The following SV2C variants were observed in gnomAD, a reference collection of about 807,000 sequenced individuals.
SV2C encodes synaptic vesicle glycoprotein 2C.
Under a neutral mutation model 79.7 loss-of-function variants are expected in SV2C, and 49 were observed. The ratio of observed to expected loss-of-function variants is 0.61; its 90% confidence interval spans 0.49 to 0.78. The LOEUF (loss-of-function observed/expected upper bound fraction) is 0.78, where lower values mean the gene tolerates loss of function less well. SV2C is among the 30% of genes least tolerant of loss of function. SV2C has a pLI of 0.00. For synonymous variants in SV2C, 334 were observed against 333.2 expected (o/e 1.00, Z -0.03); for missense variants, 833 against 912.9 (o/e 0.91, Z 1.13).
chr5:76,198,277 G>A (rs1259357616), intron 3 of SV2C, among the ~76,000 whole-genome samples: 1 of 152,162 alleles, frequency 6.6e-6, no homozygotes, highest in Non-Finnish European at 1.5e-5. Context: ...GAGGTTTTTA[G>A]GTCTTGGAGG....
At position 76,332,343 on chromosome 5, in the gene SV2C, C is replaced by T. The variant is rs1053806031; in HGVS notation, c.*6796C>T. On this transcript the variant is annotated 3_prime_UTR_variant, in exon 13 of 13. Transcript: ENST00000502798. The stretch of plus-strand genomic sequence containing the variant: ...GGGGAGTGACTAGGCAGCCTGCTCA[C>T]AGGGGCTGGAGTCATCTAAAGCTAG... The T allele has an allele frequency of 1.3e-5, 2 of 152,158 alleles. No individual in the cohort carries two copies. The highest frequency in any genetic ancestry group is 2.1e-4 in the South Asian group (1 of 4,826). The allele number at this position is 152,158 out of a possible 1,614,324, so 9.4% of individuals were successfully genotyped here. A position where few individuals can be genotyped will look rare whatever the true frequency, so the allele number is the denominator to read the frequency against.
chr5:76,051,647 G>C, the SV2C span, among the ~76,000 whole-genome samples: 2 of 152,180 alleles, frequency 1.3e-5, no homozygotes, highest in African/African-American at 4.8e-5. Context: ...CAGCATGGCT[G>C]CAATAATGCA....
the SV2C span, among the ~76,000 whole-genome samples, chr5:75,884,029 A>G: frequency 2.0e-5 from 3 of 152,128 alleles, no homozygotes; most frequent in Admixed American, 6.6e-5. Context: ...TCTGATTAAT[A>G]AAAATTAATA....
intron 4 of SV2C, among the ~76,000 whole-genome samples, chr5:76,265,651 G>A (rs1288327161): frequency 6.6e-6 from 1 of 152,168 alleles, no homozygotes; most frequent in African/African-American, 2.4e-5. Context: ...CAAAAACCAT[G>A]AGAAAAGCGT....
chr5:76,271,297 A>G (rs776111906), intron 4 of SV2C, among the ~76,000 whole-genome samples: 18 of 152,312 alleles, frequency 1.2e-4, no homozygotes, highest in Non-Finnish European at 2.1e-4. Flanking sequence ...GCAAAGGAAT[A>G]TAGATGTGTC....
At chr5:76,001,841 T>G in the SV2C span, among the ~76,000 whole-genome samples, 1 of 152,094 alleles carries the variant, frequency 6.6e-6, no homozygotes, top group Non-Finnish European at 1.5e-5. Context: ...ACAGGTGGTG[T>G]TCAGTTGCAT....
intron 6 of SV2C, among the ~76,000 whole-genome samples, chr5:76,288,906 G>T (rs1217102759): frequency 6.6e-6 from 1 of 151,216 alleles, no homozygotes; most frequent in Non-Finnish European, 1.5e-5. Flanking sequence ...TTGAGACAGG[G>T]TCTCGTTCTG....
the SV2C span, among the ~76,000 whole-genome samples, chr5:75,902,199 T>C: frequency 6.6e-6 from 1 of 152,216 alleles, no homozygotes; most frequent in East Asian, 1.9e-4. Context: ...CTGGGAGCTG[T>C]GGACCGGAGC....
At chr5:76,197,090 G>T (rs1744293164) in intron 3 of SV2C, among the ~76,000 whole-genome samples, 1 of 152,208 alleles carries the variant, frequency 6.6e-6, no homozygotes, top group Non-Finnish European at 1.5e-5. Flanking sequence ...TGGAGTCTTA[G>T]GAAAGTCATG....
chr5:76,120,948 C>A (rs1273692372), intron 1 of SV2C, among the ~76,000 whole-genome samples: 1 of 151,006 alleles, frequency 6.6e-6, no homozygotes, highest in Non-Finnish European at 1.5e-5. Flanking sequence ...GCCACACTAA[C>A]TTCCACAATG....
At chr5:76,125,206 T>C (rs1748664147) in intron 1 of SV2C, among the ~76,000 whole-genome samples, 1 of 152,236 alleles carries the variant, frequency 6.6e-6, no homozygotes, top group Non-Finnish European at 1.5e-5. Flanking sequence ...ACAGATATGC[T>C]AAATACTTTC....
the SV2C span, among the ~76,000 whole-genome samples, chr5:75,999,356 G>GGGGA: frequency 7.1e-6 from 1 of 140,516 alleles, no homozygotes; most frequent in Non-Finnish European, 1.5e-5. Flanking sequence ...AGAAGGAGTG[G>GGGGA]GGGAGGGAGG....
the SV2C span, among the ~76,000 whole-genome samples, chr5:75,856,958 T>C: frequency 6.8e-6 from 1 of 146,384 alleles, no homozygotes; most frequent in Non-Finnish European, 1.5e-5. Context: ...TTTAATCCTT[T>C]TTTTTTTTTT....
At chr5:75,871,676 C>T in the SV2C span, among the ~76,000 whole-genome samples, 4 of 151,408 alleles carry the variant, frequency 2.6e-5, no homozygotes, top group African/African-American at 4.8e-5. Flanking sequence ...GGTGTGGTGG[C>T]GTGTGACTGT....
downstream of SV2C, among the ~76,000 whole-genome samples, chr5:76,338,692 C>G (rs1749377726): frequency 6.9e-6 from 1 of 144,104 alleles, no homozygotes; most frequent in Non-Finnish European, 1.5e-5. Context: ...GATTCTCACT[C>G]TGTCACCCAG....
At chr5:76,153,664 T>TCTCAG (rs1389279952) in intron 2 of SV2C, among the ~76,000 whole-genome samples, 2 of 152,160 alleles carry the variant, frequency 1.3e-5, no homozygotes, top group East Asian at 3.9e-4. Context: ...AAGGAATGGT[T>TCTCAG]AGTGCTCTCA....
intron 12 of SV2C, among the ~76,000 whole-genome samples, chr5:76,339,574 T>C (rs776899292): frequency 5.9e-5 from 9 of 151,798 alleles, no homozygotes; most frequent in Non-Finnish European, 1.0e-4. Context: ...ATTAACTGGG[T>C]GTGGTGGTGG....
At chr5:76,036,701 G>T in the SV2C span, among the ~76,000 whole-genome samples, 5 of 152,144 alleles carry the variant, frequency 3.3e-5, no homozygotes, top group South Asian at 1.0e-3. Flanking sequence ...TTCAACTTTG[G>T]TGAATCTGAC....
intron 3 of SV2C, among the ~76,000 whole-genome samples, chr5:76,201,030 A>G (rs369274139): frequency 1.3e-5 from 2 of 152,350 alleles, no homozygotes; most frequent in Non-Finnish European, 2.9e-5. Context: ...AAACCAAGTC[A>G]TGAGCATATC....
Sources: allele counts gnomAD v4.1 joint callset (sites outside exome capture counted in the v4.1 genomes callset), GRCh38; gene constraint gnomAD v4.1.1; transcripts MANE v1.5; gene names NCBI Gene and HGNC (gene_info 2026-07-23, HGNC 2026-07-21).